The following ASPSCR1 variants were observed in gnomAD, a reference collection of about 807,000 sequenced individuals.
ASPSCR1 encodes tether containing UBX domain for GLUT4.
In ASPSCR1, 55 loss-of-function variants were observed where a neutral mutation model predicts 68.9. The ratio of observed to expected loss-of-function variants is 0.80; its 90% CI spans 0.64 to 1.00. ASPSCR1 has a LOEUF of 1.00. Among genes scored for constraint, ASPSCR1 ranks in the 50% least tolerant of loss-of-function variants. ASPSCR1 has a pLI of 0.00. For synonymous variants in ASPSCR1, 352 were observed against 332.6 expected, an observed-to-expected ratio of 1.06 and a Z score of -0.63; for missense variants, 765 against 762.2, an observed-to-expected ratio of 1.00 and a Z score of -0.04.
At position 81,996,417 on chromosome 17, in the gene ASPSCR1, C is replaced by G. The variant is rs757944752; in HGVS notation, c.507-3C>G. On this transcript the variant is annotated splice_polypyrimidine_tract_variant and splice_region_variant and intron_variant, in intron 6 of 15. Transcript: ENST00000306739. ...GCTTCCCTTGTCCTCTGGCCCCACTCAGGTTTGTCATGAAGTGCTACGACC... is the reference window on the plus strand; with the variant it reads ...GCTTCCCTTGTCCTCTGGCCCCACTGAGGTTTGTCATGAAGTGCTACGACC... 17 of 1,577,080 alleles carry G rather than the reference C, an allele frequency of 1.1e-5. No homozygotes were observed. Among genetic ancestry groups the G allele is most frequent in the Non-Finnish European group, 3.5e-6 (4 of 1,157,504 alleles).
chr17:81,991,873 CAGAG>C (rs930982418), intron 4 of ASPSCR1, among the ~76,000 whole-genome samples: 5 of 152,264 alleles, frequency 3.3e-5, no homozygotes, highest in African/African-American at 1.2e-4. Flanking sequence ...GACATGAACA[CAGAG>C]AGCTCTAGAC....
In ASPSCR1 at chr17:82,017,400, C is replaced by A. The variant is rs1389301904; in HGVS notation, c.*78C>A. On this transcript the variant is annotated 3_prime_UTR_variant, in exon 16 of 16. Coordinates refer to ENST00000306739, the MANE Select transcript of ASPSCR1 (RefSeq NM_024083.4). ...CCAGCAGGAATAAAGACTTGTGCATCCCTCAACGCCTTCCTGTCATGCTTC... is the reference window on the plus strand; with the variant it reads ...CCAGCAGGAATAAAGACTTGTGCATACCTCAACGCCTTCCTGTCATGCTTC... 1 of 1,593,614 alleles carries A rather than the reference C, an allele frequency of 6.3e-7. No homozygotes were observed. Among genetic ancestry groups the A allele is most frequent in the African/African-American group, 1.3e-5 (1 of 74,586 alleles).
chr17:81,983,659 T>C lies in ASPSCR1; in HGVS notation c.264T>C (p.Pro88=), dbSNP rs2041870494. 6.2e-7 allele frequency: 1 copy of C among 1,609,412 alleles called. No individual in the cohort carries two copies. Among genetic ancestry groups the C allele is most frequent in the Non-Finnish European group, 8.5e-7 (1 of 1,178,414 alleles). The change falls in exon 3 of 16, where the codon CCT becomes CCC. Residue 88 remains proline, a synonymous_variant. Transcript: ENST00000306739. This position sits in a 1 kb window ranked among gnomAD's most constrained non-coding sequence, Gnocchi z 4.4. ...MVPASRSREG[P]ENMVRIALQL... ...CCGCTTCCCGGAGCCGTGAGGGGCC[T>C]GAGAACATGGTGGGTCGTGCTCTGG...
intron 4 of ASPSCR1, among the ~76,000 whole-genome samples, chr17:81,993,505 G>T (rs147748741): frequency 6.6e-6 from 1 of 152,182 alleles, no homozygotes; most frequent in South Asian, 2.1e-4. Flanking sequence ...GAGCCACCGC[G>T]CCCGGCTGAG....
chr17:82,016,796 GC>G lies in ASPSCR1; in HGVS notation c.1406-3del. 6.2e-7 allele frequency: 1 copy of G among 1,608,828 alleles called. No individual in the cohort carries two copies. The highest frequency in any genetic ancestry group is 1.1e-5 in the South Asian group (1 of 90,966). ...GCTCAGGGTGAGCTTGGGCCTCCCTGCAGGTGTCTACCTGGAGCCTGGCCTG... is the reference window on the plus strand; with the variant it reads ...GCTCAGGGTGAGCTTGGGCCTCCCTGAGGTGTCTACCTGGAGCCTGGCCTG... On this transcript the variant is annotated splice_region_variant and splice_polypyrimidine_tract_variant and intron_variant, in intron 13 of 15. Coordinates refer to ENST00000306739, the MANE Select transcript of ASPSCR1 (RefSeq NM_024083.4).
Position 82,017,037 on chromosome 17 carries a change from C to T in ASPSCR1, c.1572C>T (p.Pro524=). The change falls in exon 15 of 16, where the codon CCC becomes CCT. Residue 524 remains proline (P), a synonymous_variant. Transcript: ENST00000306739. ...CTGCTGAGGAGGGGGCGCTGGTCCC[C>T]CCTGAGCCCATCCCAGGGACGGCCC... ...EPAAEEGALV[P]PEPIPGTAQP... is the part of the protein sequence containing the mutation. The T allele has an allele frequency of 6.2e-7, 1 of 1,612,196 alleles. No homozygotes were observed. Among genetic ancestry groups the T allele is most frequent in the East Asian group, 2.2e-5 (1 of 44,874 alleles).
At chr17:82,016,429 G>A (rs1201643295) in intron 12 of ASPSCR1, 47 bp from the exon 13 acceptor site, 8 of 1,515,056 alleles carry the variant, frequency 5.3e-6, no homozygotes, top group Non-Finnish European at 5.3e-6. Flanking sequence ...ACAGCAGGGG[G>A]GTGCTCTGCC....
At chr17:81,989,934 C>T (rs2042107798) in intron 4 of ASPSCR1, among the ~76,000 whole-genome samples, 1 of 152,234 alleles carries the variant, frequency 6.6e-6, no homozygotes, top group Non-Finnish European at 1.5e-5. Flanking sequence ...ATTACTGGCG[C>T]ACGCCATCAC....
At chr17:82,011,040 A>T (rs970590844) in intron 10 of ASPSCR1, among the ~76,000 whole-genome samples, 172 bp downstream of exon 10, 1 of 152,164 alleles carries the variant, frequency 6.6e-6, no homozygotes, top group Non-Finnish European at 1.5e-5. Flanking sequence ...CCCAGTTCGC[A>T]GAGTGTCAGG....
chr17:82,001,889 A>G (rs2042543646), intron 7 of ASPSCR1, among the ~76,000 whole-genome samples: 2 of 151,280 alleles, frequency 1.3e-5, no homozygotes, highest in South Asian at 4.2e-4. Flanking sequence ...ATCCACAGTG[A>G]CACACGCCTG....
chr17:82,012,088 AGTGTG>A, intron 11 of ASPSCR1, 138 bp from the exon 12 acceptor site: 1 of 994,258 alleles, frequency 1.0e-6, no homozygotes, highest in Non-Finnish European at 1.6e-6. Flanking sequence ...CTGCAGCAGG[AGTGTG>A]GGCACAGGGC....
At chr17:82,015,013 A>G in intron 12 of ASPSCR1, 2 of 1,506,884 alleles carry the variant, frequency 1.3e-6, no homozygotes, top group Non-Finnish European at 1.8e-6. Context: ...TGCCTCCCTC[A>G]AAGGCCCTTC....
At chr17:82,015,357 G>A (rs1468709529) in intron 12 of ASPSCR1, 34 of 1,596,552 alleles carry the variant, frequency 2.1e-5, no homozygotes, top group Non-Finnish European at 2.8e-5. Context: ...GACAGGCCGG[G>A]TAGGCTGCCT....
intron 12 of ASPSCR1, among the ~76,000 whole-genome samples, chr17:82,012,558 C>A (rs1041520363): frequency 2.0e-5 from 3 of 152,198 alleles, no homozygotes; most frequent in African/African-American, 7.2e-5. Flanking sequence ...TCTCGGCCCC[C>A]CTGGGCTGCT....
chr17:82,000,688 G>A (rs924254594), intron 7 of ASPSCR1, among the ~76,000 whole-genome samples: 15 of 152,210 alleles, frequency 9.9e-5, no homozygotes, highest in Non-Finnish European at 4.4e-5. Flanking sequence ...GCAGGTCCTC[G>A]GCCGAGACCC....
chr17:81,993,502 C>T (rs978787315), intron 4 of ASPSCR1, among the ~76,000 whole-genome samples: 6 of 152,192 alleles, frequency 3.9e-5, no homozygotes, highest in East Asian at 3.9e-4. Context: ...CGTGAGCCAC[C>T]GCGCCCGGCT....
intron 3 of ASPSCR1, among the ~76,000 whole-genome samples, chr17:81,984,616 CAT>C (rs1293464756): frequency 4.6e-5 from 7 of 151,804 alleles, no homozygotes; most frequent in South Asian, 4.2e-4. Context: ...TTTACCATCT[CAT>C]GTGGCTTCTG....
intron 2 of ASPSCR1, among the ~76,000 whole-genome samples, chr17:81,982,279 TCTCAGTGTTCAC>T (rs1316132626): frequency 2.0e-5 from 3 of 152,384 alleles, no homozygotes; most frequent in Admixed American, 2.0e-4. Flanking sequence ...CATTGTTACT[TCTCAGTGTTCAC>T]CTGCCCGTGG....
At chr17:81,992,335 C>T (rs1463611166) in intron 4 of ASPSCR1, among the ~76,000 whole-genome samples, 1 of 152,182 alleles carries the variant, frequency 6.6e-6, no homozygotes, top group African/African-American at 2.4e-5. Context: ...GGTCTGGAAC[C>T]GATTGCCCAC....
Sources: gnomAD v4.1 joint callset for allele counts (sites outside exome capture counted in the v4.1 genomes callset) on GRCh38, gnomAD v4.1.1 for gene constraint, Gnocchi (gnomAD v3.1) non-coding constraint, MANE v1.5 for transcripts, NCBI Gene and HGNC (gene_info 2026-07-23, HGNC 2026-07-21) for gene names.